PDE5A: variants seen among roughly 807,000 people sequenced by gnomAD.
PDE5A encodes cGMP-specific 3',5'-cyclic phosphodiesterase.
In PDE5A, 67 loss-of-function variants were observed where a neutral mutation model predicts 110.2. The observed-to-expected ratio is 0.61, with a 90% CI of 0.50 to 0.75. PDE5A has a LOEUF of 0.75. PDE5A is among the 30% of genes least tolerant of loss of function. The pLI is 0.00. For missense variants in PDE5A, 862 were observed against 1,045.1 expected, an observed-to-expected ratio of 0.82 and a Z score of 2.42; for synonymous variants, 328 against 351.2, an observed-to-expected ratio of 0.93 and a Z score of 0.74.
At chr4:119,583,427 A>G (rs987762042) in intron 3 of PDE5A, among the ~76,000 whole-genome samples, 16 of 152,296 alleles carry the variant, frequency 1.1e-4, no homozygotes, top group Admixed American at 4.6e-4. Context: ...GACCATTCAA[A>G]CTTTGTATCA....
In PDE5A at chr4:119,498,433, C is replaced by T; in HGVS notation, c.*168G>A. 1.6e-6 allele frequency: 1 copy of T among 635,724 alleles called. No homozygotes were observed. Among genetic ancestry groups the T allele is most frequent in the Non-Finnish European group, 2.7e-6 (1 of 375,904 alleles). 39.4% of individuals were successfully genotyped at this position (635,724 alleles called of 1,614,324 possible). On this transcript the variant is annotated 3_prime_UTR_variant, in exon 21 of 21. Coordinates refer to ENST00000354960, the MANE Select transcript of PDE5A (RefSeq NM_001083.4). The stretch of plus-strand genomic sequence containing the variant: ...AAATATACAAAAAATATGTAATAGT[C>T]CTCTAAAAACATTCATGCTATACTC...
In PDE5A at chr4:119,606,837, A is replaced by G; in HGVS notation, c.613T>C (p.Phe205Leu). The part of the protein sequence containing the change: ...SNDKFLISRL[F>L]DVAEGSTLEE... ...AGTGTTGAACCTTCAGCAACATCAA[A>G]GAGGCGGCTGATAAGAAACTTGTCA... The change falls in exon 2 of 21, where the codon TTT (phenylalanine) becomes CTT (leucine). Residue 205 changes from phenylalanine (F) to leucine (L), a missense_variant. Coordinates refer to ENST00000354960, the MANE Select transcript of PDE5A (RefSeq NM_001083.4). The G allele has an allele frequency of 1.2e-6, 2 of 1,614,210 alleles. No homozygotes were observed. Among genetic ancestry groups the G allele is most frequent in the Non-Finnish European group, 1.7e-6 (2 of 1,180,012 alleles).
intron 3 of PDE5A, among the ~76,000 whole-genome samples, chr4:119,575,006 T>A (rs1378526194): frequency 1.3e-5 from 2 of 152,094 alleles, no homozygotes; most frequent in African/African-American, 4.8e-5. Context: ...CGGATGGAGC[T>A]GAAAACCAAG....
intron 14 of PDE5A, among the ~76,000 whole-genome samples, chr4:119,515,628 T>G (rs901198128): frequency 2.6e-5 from 4 of 152,218 alleles, no homozygotes; most frequent in South Asian, 4.1e-4. Flanking sequence ...CTCTTTCATT[T>G]TCATCAATGG....
intron 3 of PDE5A, among the ~76,000 whole-genome samples, chr4:119,575,590 T>G (rs1728304955): frequency 6.6e-6 from 1 of 152,186 alleles, no homozygotes; most frequent in East Asian, 1.9e-4. Context: ...CAAACTAAGC[T>G]TCATAAGTGA....
chr4:119,565,459 G>A, intron 4 of PDE5A, 49 bp from the exon 5 acceptor site: 1 of 1,212,698 alleles, frequency 8.2e-7, no homozygotes. Flanking sequence ...AAACAGTCTA[G>A]TTACATTGCC....
chr4:119,511,676 TGGAAGGAA>T (rs563956560), intron 14 of PDE5A, among the ~76,000 whole-genome samples: 1 of 151,920 alleles, frequency 6.6e-6, no homozygotes, highest in African/African-American at 2.4e-5. Flanking sequence ...CATGCTCCCT[TGGAAGGAA>T]GGAAGGAAGG....
At chr4:119,577,579 C>CA (rs1453811550) in intron 3 of PDE5A, among the ~76,000 whole-genome samples, 1 of 152,160 alleles carries the variant, frequency 6.6e-6, no homozygotes, top group African/African-American at 2.4e-5. Flanking sequence ...GAACCAATGA[C>CA]AAAAACCATA....
intron 5 of PDE5A, among the ~76,000 whole-genome samples, chr4:119,563,260 T>A (rs1578779256): frequency 6.6e-6 from 1 of 152,308 alleles, no homozygotes; most frequent in South Asian, 2.1e-4. Context: ...ATGGGGATAT[T>A]AATGACATTA....
chr4:119,608,845 A>C (rs891528043), intron 1 of PDE5A, among the ~76,000 whole-genome samples: 3 of 152,150 alleles, frequency 2.0e-5, no homozygotes, highest in African/African-American at 7.2e-5. Context: ...TCACTCTCCA[A>C]AGTTTTTGGT....
intron 2 of PDE5A, among the ~76,000 whole-genome samples, chr4:119,603,984 C>T (rs1191169553): frequency 2.0e-5 from 3 of 152,046 alleles, no homozygotes; most frequent in Middle Eastern, 3.2e-3. Context: ...ATGAATTATC[C>T]ATTAGCCAAC....
At chr4:119,567,196 T>C in intron 3 of PDE5A, 52 bp from the exon 4 acceptor site, 3 of 1,319,568 alleles carry the variant, frequency 2.3e-6, no homozygotes, top group Non-Finnish European at 2.2e-6. Flanking sequence ...AAATTACTTG[T>C]AAAAATTCAC....
intron 7 of PDE5A, among the ~76,000 whole-genome samples, chr4:119,554,141 A>G (rs952102503): frequency 5.9e-5 from 9 of 152,046 alleles, no homozygotes; most frequent in African/African-American, 2.2e-4. Flanking sequence ...ATCCATTCCA[A>G]TAAAACAGTA....
At chr4:119,504,480 T>C in intron 18 of PDE5A, 56 bp downstream of exon 18, 5 of 1,376,428 alleles carry the variant, frequency 3.6e-6, no homozygotes, top group Non-Finnish European at 5.1e-6. Flanking sequence ...GTGGGATTGC[T>C]GGGTAGAATG....
At chr4:119,568,619 GC>G (rs1205018897) in intron 3 of PDE5A, among the ~76,000 whole-genome samples, 1 of 152,158 alleles carries the variant, frequency 6.6e-6, no homozygotes, top group Admixed American at 6.6e-5. Context: ...TGATACAGTG[GC>G]CATGGATTGC....
At chr4:119,546,923 T>C (rs1727148923) in intron 9 of PDE5A, among the ~76,000 whole-genome samples, 1 of 152,052 alleles carries the variant, frequency 6.6e-6, no homozygotes, top group Admixed American at 6.5e-5. Context: ...AATAATTTGA[T>C]AATTAGGCTT....
chr4:119,625,146 C>T (rs1346392813), intron 1 of PDE5A, among the ~76,000 whole-genome samples: 6 of 151,820 alleles, frequency 4.0e-5, no homozygotes, highest in Admixed American at 6.6e-5. Context: ...TACAGGCGCG[C>T]GCCATACCTG....
intron 3 of PDE5A, among the ~76,000 whole-genome samples, chr4:119,581,003 G>A (rs1057306393): frequency 6.6e-6 from 1 of 152,168 alleles, no homozygotes; most frequent in Non-Finnish European, 1.5e-5. Context: ...GCAAAGCATA[G>A]GCTTACCCCG....
intron 14 of PDE5A, 150 bp downstream of exon 14, chr4:119,518,895 T>A (rs1325343626): frequency 3.4e-6 from 2 of 580,958 alleles, no homozygotes; most frequent in Non-Finnish European, 6.2e-6. Context: ...ACATAATACT[T>A]AACCTGCATT....
Sources: allele counts gnomAD v4.1 joint callset (sites outside exome capture counted in the v4.1 genomes callset), GRCh38; gene constraint gnomAD v4.1.1; transcripts MANE v1.5; gene names NCBI Gene and HGNC (gene_info 2026-07-23, HGNC 2026-07-21).